The following MDM2 variants were observed in gnomAD, a reference collection of about 807,000 sequenced individuals.
The protein encoded by MDM2 is E3 ubiquitin-protein ligase Mdm2.
In MDM2, 11 loss-of-function variants were observed where a neutral mutation model predicts 64.3. The ratio of observed to expected loss-of-function variants is 0.17; its 90% CI spans 0.11 to 0.28. The LOEUF is 0.28. Ranked by LOEUF, MDM2 falls within the 10% of genes least tolerant of loss-of-function variation. MDM2 has a pLI of 1.00. For synonymous variants in MDM2, 194 were observed against 192.9 expected (o/e 1.01, Z -0.05); for missense variants, 388 against 577.1 (o/e 0.67, Z 3.36).
chr12:68,809,471 A>AT (rs1426171978), intron 2 of MDM2, among the ~76,000 whole-genome samples, 179 bp downstream of exon 2: 2 of 152,136 alleles, frequency 1.3e-5, no homozygotes, highest in African/African-American at 2.4e-5. Flanking sequence ...ACTGGTCAGT[A>AT]TTTTTTTAGC....
Position 68,841,388 on chromosome 12 carries a change from A to G in MDM2, c.*1539A>G, listed in dbSNP as rs1027034252. On this transcript the variant is annotated 3_prime_UTR_variant, in exon 11 of 11. Transcript: ENST00000258149. ...CTAAGTAGGATTACAGGCGTTAGCC[A>G]CCACACCCGGCTGTAAAAATGTACT... 3.8e-5 allele frequency: 8 copies of G among 208,598 alleles called. No homozygotes were observed. Among genetic ancestry groups the G allele is most frequent in the African/African-American group, 1.8e-4 (8 of 43,874 alleles). The allele number at this position is 208,598 out of a possible 1,614,324, so 12.9% of individuals were successfully genotyped here.
At chr12:68,830,823 C>G (rs1328906388) in intron 8 of MDM2, among the ~76,000 whole-genome samples, 2 of 152,140 alleles carry the variant, frequency 1.3e-5, no homozygotes, top group African/African-American at 4.8e-5. Context: ...GTCTCAGCCT[C>G]CTGAGTAGCT....
intron 7 of MDM2, 94 bp downstream of exon 7, chr12:68,824,745 C>T (rs1882161440): frequency 6.2e-6 from 5 of 808,562 alleles, no homozygotes; most frequent in Admixed American, 2.9e-5. Context: ...AAATTGTTCC[C>T]TTTTTTTGGT....
chr12:68,819,940 T>C (rs1019593820), intron 4 of MDM2, among the ~76,000 whole-genome samples: 4 of 152,008 alleles, frequency 2.6e-5, no homozygotes, highest in Non-Finnish European at 5.9e-5. Flanking sequence ...AACTCAATGC[T>C]TTTTTTTGGC....
At chr12:68,808,608 TCGGGGCGCGGGGCG>T (rs535193240) in intron 1 of MDM2, 117 bp downstream of exon 1, 2 of 1,468,356 alleles carry the variant, frequency 1.4e-6, no homozygotes, top group Non-Finnish European at 1.8e-6. Context: ...GGCTGGGGGC[TCGGGGCGCGGGGCG>T]CGGGGCATGG....
intron 8 of MDM2, among the ~76,000 whole-genome samples, chr12:68,833,670 CT>C (rs2136163563): frequency 6.6e-6 from 1 of 152,052 alleles, no homozygotes; most frequent in African/African-American, 2.4e-5. Context: ...CAGCCCCGCT[CT>C]TGTAATGCAG....
rs34886328 is a variant in MDM2, at chr12:68,841,207, TA to T, written c.*1369del. 60,542 of 174,782 alleles carry T rather than the reference TA, an allele frequency of 0.35. 10,577 individuals are homozygous for T. Among genetic ancestry groups the T allele is most frequent in the East Asian group, 0.55 (5,680 of 10,318 alleles). The allele number at this position is 174,782 out of a possible 1,614,324, so 10.8% of individuals were successfully genotyped here. A position where few individuals can be genotyped will look rare whatever the true frequency, so the allele number is the denominator to read the frequency against. Reference sequence around the variant, plus strand: ...TCTCTCCAAAATACTCTTTCTAGGTTAAAAAAAAAAAGGCTCTTATATTTGG... The same window carrying T: ...TCTCTCCAAAATACTCTTTCTAGGTTAAAAAAAAAAGGCTCTTATATTTGG... On this transcript the variant is annotated 3_prime_UTR_variant, in exon 11 of 11. Coordinates refer to ENST00000258149, the MANE Select transcript of MDM2 (RefSeq NM_002392.6).
chr12:68,847,410 T>G (rs1884393788), downstream of MDM2: 1 of 148,518 alleles, frequency 6.7e-6, no homozygotes, highest in South Asian at 2.1e-4. Flanking sequence ...CCTTTGTATC[T>G]TCTTGCCATA....
chr12:68,834,443 A>G (rs1308753339), intron 8 of MDM2, among the ~76,000 whole-genome samples: 1 of 143,004 alleles, frequency 7.0e-6, no homozygotes, highest in Non-Finnish European at 1.5e-5. Flanking sequence ...CTCTTGTCTC[A>G]AAAAAAAAAA....
At chr12:68,833,236 A>G (rs910475677) in intron 8 of MDM2, among the ~76,000 whole-genome samples, 1 of 87,128 alleles carries the variant, frequency 1.1e-5, no homozygotes, top group Admixed American at 1.1e-4. Context: ...TGTATATTAT[A>G]TATTACATTG....
intron 8 of MDM2, among the ~76,000 whole-genome samples, chr12:68,831,960 C>G (rs1472027737): frequency 1.3e-5 from 2 of 152,114 alleles, no homozygotes; most frequent in Non-Finnish European, 2.9e-5. Context: ...AATCTAGCTA[C>G]TCAGGAGGCT....
intron 2 of MDM2, among the ~76,000 whole-genome samples, chr12:68,812,429 T>C (rs1013086480): frequency 6.6e-6 from 1 of 152,214 alleles, no homozygotes; most frequent in Non-Finnish European, 1.5e-5. Context: ...AGTGGCAAGC[T>C]GTAAAGATAC....
intron 4 of MDM2, among the ~76,000 whole-genome samples, chr12:68,819,514 G>A (rs1201225511): frequency 2.0e-5 from 3 of 152,022 alleles, no homozygotes; most frequent in South Asian, 2.1e-4. Context: ...TCCCTGAGTC[G>A]GAGTTTTGCT....
intron 10 of MDM2, among the ~76,000 whole-genome samples, chr12:68,837,376 T>C (rs976358249): frequency 6.6e-6 from 1 of 151,694 alleles, no homozygotes; most frequent in Non-Finnish European, 1.5e-5. Context: ...TTTTTTTCAA[T>C]TGAGATAGGG....
chr12:68,822,694 A>G (rs764886405), intron 5 of MDM2, among the ~76,000 whole-genome samples: 5 of 151,858 alleles, frequency 3.3e-5, no homozygotes, highest in Non-Finnish European at 5.9e-5. Context: ...TTTGGTTTAG[A>G]TATCAGTAGA....
chr12:68,846,896 G>A (rs960951122), downstream of MDM2: 3 of 151,880 alleles, frequency 2.0e-5, no homozygotes, highest in African/African-American at 7.3e-5. Flanking sequence ...ATGAATGGAA[G>A]TTTAATATTC....
At chr12:68,828,962 T>G in intron 8 of MDM2, 31 bp downstream of exon 8, 2 of 1,605,324 alleles carry the variant, frequency 1.2e-6, no homozygotes, top group Non-Finnish European at 1.7e-6. Context: ...AAGGCAAGAC[T>G]CTTACTGTTC....
intron 7 of MDM2, 51 bp downstream of exon 7, chr12:68,824,702 T>C: frequency 8.3e-7 from 1 of 1,210,080 alleles, no homozygotes; most frequent in Non-Finnish European, 1.2e-6. Context: ...TGATATTCTT[T>C]CTCTAATGAA....
At chr12:68,830,646 A>G (rs910947648) in intron 8 of MDM2, among the ~76,000 whole-genome samples, 3 of 152,208 alleles carry the variant, frequency 2.0e-5, no homozygotes, top group Non-Finnish European at 4.4e-5. Flanking sequence ...ATTGAATCCA[A>G]TTAAAACTTG....
Sources: gnomAD v4.1 joint callset for allele counts (sites outside exome capture counted in the v4.1 genomes callset) on GRCh38, gnomAD v4.1.1 for gene constraint, MANE v1.5 for transcripts, NCBI Gene and HGNC (gene_info 2026-07-23, HGNC 2026-07-21) for gene names.